The following CHN2 variants were observed in gnomAD, a reference collection of about 807,000 sequenced individuals.
CHN2 encodes beta-chimaerin.
In CHN2, 35 loss-of-function variants were observed where a neutral mutation model predicts 56.3. That is an observed-to-expected ratio of 0.62 (90% CI 0.47 to 0.82). CHN2 has a LOEUF of 0.82. Among genes scored for constraint, CHN2 ranks in the 40% least tolerant of loss-of-function variants. The pLI, the probability that CHN2 is intolerant of heterozygous loss-of-function variation, is 0.00. For missense variants in CHN2, 491 were observed against 580.5 expected (o/e 0.85, Z 1.58); for synonymous variants, 210 against 212.8 (o/e 0.99, Z 0.12).
At chr7:29,301,315 G>C (rs999634623) in intron 1 of CHN2, among the ~76,000 whole-genome samples, 2 of 149,248 alleles carry the variant, frequency 1.3e-5, no homozygotes, top group Non-Finnish European at 3.0e-5. Context: ...GCCACCCAAA[G>C]TATTTGAAAG....
intron 7 of CHN2, among the ~76,000 whole-genome samples, chr7:29,490,111 CTT>C (rs34148468): frequency 4.0e-4 from 54 of 136,388 alleles, no homozygotes; most frequent in South Asian, 4.7e-4. Context: ...GATGTCATTC[CTT>C]TTTTTTTTTT....
intron 3 of CHN2, among the ~76,000 whole-genome samples, chr7:29,379,530 G>A (rs540671013): frequency 3.9e-5 from 6 of 152,130 alleles, no homozygotes; most frequent in Non-Finnish European, 8.8e-5. Context: ...GATGGATAGA[G>A]GAATGAAAAA....
chr7:29,505,776 G>A (rs1423774271), intron 10 of CHN2, among the ~76,000 whole-genome samples: 1 of 152,146 alleles, frequency 6.6e-6, no homozygotes, highest in Non-Finnish European at 1.5e-5. Context: ...CCTTGTCATT[G>A]TTGAGTTGCA....
intron 8 of CHN2, 113 bp from the exon 9 acceptor site, chr7:29,499,754 G>C (rs1281727188): frequency 4.2e-6 from 4 of 945,152 alleles, no homozygotes; most frequent in Non-Finnish European, 6.2e-6. Context: ...AGATGTTCCA[G>C]AGAAATATGT....
intron 2 of CHN2, among the ~76,000 whole-genome samples, chr7:29,363,557 G>A (rs539539074): frequency 2.6e-5 from 4 of 152,310 alleles, no homozygotes; most frequent in Middle Eastern, 3.4e-3. Flanking sequence ...ATTCTGCAGT[G>A]CACAGAACAA....
chr7:29,476,412 C>T (rs1286589364), intron 6 of CHN2, among the ~76,000 whole-genome samples: 1 of 151,800 alleles, frequency 6.6e-6, no homozygotes, highest in Non-Finnish European at 1.5e-5. Flanking sequence ...TGGCACGTGC[C>T]TATAGTCCCA....
chr7:29,414,158 C>T (rs1306057576), intron 6 of CHN2, among the ~76,000 whole-genome samples: 2 of 152,096 alleles, frequency 1.3e-5, no homozygotes, highest in Non-Finnish European at 2.9e-5. Context: ...TCACTTCTTC[C>T]AGTCATGATG....
In CHN2 at chr7:29,495,964, C is replaced by T. The variant is rs184836520; in HGVS notation, c.667C>T (p.Arg223Ter). Residue 223 changes from arginine (R) to a stop codon, truncating the protein, a stop_gained, in exon 8 of 13, where the codon CGA (arginine) becomes TGA (stop). Coordinates refer to ENST00000222792, the MANE Select transcript of CHN2 (RefSeq NM_004067.4). LOFTEE classifies it high-confidence loss of function. Reference sequence around the variant, plus strand: ...TTTTGGATCACAGGTCCACACGTTCCGAGGCCCACACTGGTGTGAATATTG... The same window carrying T: ...TTTTGGATCACAGGTCCACACGTTCTGAGGCCCACACTGGTGTGAATATTG... ...KTHNFKVHTF[R>*]GPHWCEYCAN... The T allele has an allele frequency of 4.3e-6, 7 of 1,613,266 alleles. No homozygotes were observed. The highest frequency in any genetic ancestry group is 3.3e-5 in the Admixed American group (2 of 59,924).
At chr7:29,450,817 G>GC (rs1384857440) in intron 6 of CHN2, among the ~76,000 whole-genome samples, 1 of 151,914 alleles carries the variant, frequency 6.6e-6, no homozygotes, top group Non-Finnish European at 1.5e-5. Context: ...CTGTTGGCAG[G>GC]CTGGTGTGCG....
chr7:29,462,017 C>G (rs557010972), intron 6 of CHN2, among the ~76,000 whole-genome samples: 1 of 152,228 alleles, frequency 6.6e-6, no homozygotes, highest in African/African-American at 2.4e-5. Flanking sequence ...TTCATTTAAC[C>G]TATTTTAATA....
At chr7:29,509,279 C>T in intron 11 of CHN2, 22 bp from the exon 12 acceptor site, 1 of 1,565,302 alleles carries the variant, frequency 6.4e-7, no homozygotes, top group Non-Finnish European at 8.8e-7. Flanking sequence ...GAACTAATAC[C>T]CATCATGCGT....
chr7:29,268,325 G>A (rs956946488), intron 1 of CHN2, among the ~76,000 whole-genome samples: 2 of 45,806 alleles, frequency 4.4e-5, no homozygotes, highest in Non-Finnish European at 9.1e-5. Context: ...CACACACAAT[G>A]TCCTTCAATT....
chr7:29,292,025 A>G (rs1792673601), intron 1 of CHN2, among the ~76,000 whole-genome samples: 1 of 152,198 alleles, frequency 6.6e-6, no homozygotes, highest in Non-Finnish European at 1.5e-5. Flanking sequence ...TTAATTCAAT[A>G]TGTTTAAAGT....
intron 1 of CHN2, among the ~76,000 whole-genome samples, chr7:29,290,751 G>A (rs1365656847): frequency 3.9e-5 from 6 of 152,100 alleles, no homozygotes; most frequent in Admixed American, 6.5e-5. Flanking sequence ...AAATCCATTC[G>A]GGTCTGCAGC....
In CHN2 at chr7:29,509,431, G is replaced by T. The variant is rs765465414; in HGVS notation, c.1235+25G>T. On this transcript the variant is annotated intron_variant, in intron 12 of 12. Coordinates refer to ENST00000222792, the MANE Select transcript of CHN2 (RefSeq NM_004067.4). Reference sequence around the variant, plus strand: ...AGTAAGCTCATGTCTCGTGCACAAAGCCTGCTCTGCTCCTAGAGCGGTTAA... The same window carrying T: ...AGTAAGCTCATGTCTCGTGCACAAATCCTGCTCTGCTCCTAGAGCGGTTAA... 1.3e-5 allele frequency: 20 copies of T among 1,565,358 alleles called. 1 individual carries two copies. The South Asian group carries it at 1.9e-4, about 15-fold the overall frequency.
At chr7:29,280,952 C>T (rs1348116911) in intron 1 of CHN2, among the ~76,000 whole-genome samples, 1 of 152,070 alleles carries the variant, frequency 6.6e-6, no homozygotes, top group African/African-American at 2.4e-5. Flanking sequence ...AAAAATTAGC[C>T]GGGCATGGTG....
intron 2 of CHN2, among the ~76,000 whole-genome samples, chr7:29,173,914 T>C (rs1796928950): frequency 6.7e-6 from 1 of 150,202 alleles, no homozygotes; most frequent in Admixed American, 6.7e-5. Context: ...ATCACACCAC[T>C]GCACTCCAGC....
At chr7:29,214,320 C>G (rs149625191) in intron 1 of CHN2, among the ~76,000 whole-genome samples, 215 of 152,266 alleles carry the variant, frequency 1.4e-3, no homozygotes, top group African/African-American at 4.8e-3. Context: ...TGTTTTACCT[C>G]TTTTCCTATG....
At chr7:29,489,743 A>G (rs867535621) in intron 7 of CHN2, among the ~76,000 whole-genome samples, 1 of 152,288 alleles carries the variant, frequency 6.6e-6, no homozygotes, top group East Asian at 1.9e-4. Context: ...CGAGACGTCT[A>G]TGCATTTATT....
Sources: allele counts gnomAD v4.1 joint callset (sites outside exome capture counted in the v4.1 genomes callset), GRCh38; gene constraint gnomAD v4.1.1; transcripts MANE v1.5; gene names NCBI Gene and HGNC (gene_info 2026-07-23, HGNC 2026-07-21).